CNGA1: variants seen among roughly 807,000 people sequenced by gnomAD.
CNGA1 encodes the protein cyclic nucleotide gated channel subunit alpha 1.
In CNGA1, 53 loss-of-function variants were observed where a neutral mutation model predicts 69.7. That is an observed-to-expected ratio of 0.76 (90% CI 0.61 to 0.96). The LOEUF (loss-of-function observed/expected upper bound fraction) is 0.96. Among genes scored for constraint, CNGA1 ranks in the 40% least tolerant of loss-of-function variants. The pLI is 0.00. For missense variants in CNGA1, 739 were observed against 811.2 expected, an observed-to-expected ratio of 0.91 and a Z score of 1.08; for synonymous variants, 249 against 283.5, an observed-to-expected ratio of 0.88 and a Z score of 1.22.
intron 3 of CNGA1, among the ~76,000 whole-genome samples, chr4:47,963,418 G>C (rs1479528640): frequency 6.6e-6 from 1 of 152,194 alleles, no homozygotes; most frequent in Non-Finnish European, 1.5e-5. Context: ...TCATATTCCT[G>C]ATAAATGATC....
chr4:47,964,132 A>G lies in CNGA1; in HGVS notation c.-14-11429T>C, dbSNP rs958389080. Among the ~76,000 whole-genome samples, 3 of 152,362 alleles carry G rather than the reference A, an allele frequency of 2.0e-5. No homozygotes were observed. The South Asian group carries it at 6.2e-4, about 32-fold the overall frequency. ...TCTTCGCTGACTCCTTTTCAGCATC[A>G]GAATGAAGACATGACTATTCTGGTA... On this transcript the variant is annotated intron_variant, in intron 3 of 10. Coordinates refer to ENST00000514170, the MANE Select transcript of CNGA1 (RefSeq NM_001379270.1).
At chr4:48,004,888 T>C (rs1578127611) in intron 2 of CNGA1, among the ~76,000 whole-genome samples, 2 of 150,860 alleles carry the variant, frequency 1.3e-5, no homozygotes, top group East Asian at 3.9e-4. Context: ...GGGGTGGGGG[T>C]AAAGAAGGAA....
Position 47,937,301 on chromosome 4 carries a change from G to A in CNGA1, c.1181C>T (p.Ser394Phe). 6.2e-7 allele frequency: 1 copy of A among 1,613,940 alleles called. No homozygotes were observed. Among genetic ancestry groups the A allele is most frequent in the South Asian group, 1.1e-5 (1 of 91,080 alleles). The stretch of plus-strand genomic sequence containing the variant: ...GGCTGCATTCATGTTGGAAATCATA[G>A]AACCTATGTTACCAACGATGGTAGC... ...IFATIVGNIGSMISNMNAARA... is the reference protein window; with the variant it reads ...IFATIVGNIGFMISNMNAARA... Residue 394 changes from serine (S) to phenylalanine (F), a missense_variant, in exon 11 of 11, where the codon TCT becomes TTT. Coordinates refer to ENST00000514170, the MANE Select transcript of CNGA1 (RefSeq NM_001379270.1).
chr4:48,009,734 A>G (rs574361798), intron 2 of CNGA1, among the ~76,000 whole-genome samples: 8 of 150,814 alleles, frequency 5.3e-5, no homozygotes, highest in African/African-American at 1.9e-4. Flanking sequence ...AACCCAAGAG[A>G]CAGAGGTTGT....
chr4:47,946,086 A>C (rs1358375376), intron 6 of CNGA1, among the ~76,000 whole-genome samples: 1 of 152,170 alleles, frequency 6.6e-6, no homozygotes, highest in African/African-American at 2.4e-5. Flanking sequence ...AGAAGCCCTT[A>C]AGCTGCTTCC....
At chr4:47,991,716 A>G (rs1259226725) in intron 2 of CNGA1, among the ~76,000 whole-genome samples, 2 of 152,184 alleles carry the variant, frequency 1.3e-5, no homozygotes, top group Admixed American at 1.3e-4. Flanking sequence ...TTTGCTTTTA[A>G]GTTCTTGGTC....
chr4:47,950,037 A>T, intron 5 of CNGA1, 142 bp from the exon 6 acceptor site: 1 of 718,358 alleles, frequency 1.4e-6, no homozygotes, highest in Non-Finnish European at 2.5e-6. Context: ...TATTTCAAAA[A>T]CATATTATGA....
chr4:47,976,968 G>T (rs1741449241), intron 3 of CNGA1, among the ~76,000 whole-genome samples: 1 of 152,202 alleles, frequency 6.6e-6, no homozygotes, highest in African/African-American at 2.4e-5. Context: ...CCCAAAGCAG[G>T]GGATATGTAA....
chr4:47,969,233 A>C (rs1000015827), intron 3 of CNGA1, among the ~76,000 whole-genome samples: 1 of 151,150 alleles, frequency 6.6e-6, no homozygotes. Context: ...TCCATCTCCC[A>C]CCCCCAGGAG....
chr4:47,999,064 T>C (rs962569715), intron 2 of CNGA1, among the ~76,000 whole-genome samples: 1 of 152,238 alleles, frequency 6.6e-6, no homozygotes, highest in Non-Finnish European at 1.5e-5. Context: ...ATAGGCATTG[T>C]ATCATCTCAT....
intron 3 of CNGA1, among the ~76,000 whole-genome samples, chr4:47,975,125 C>T (rs1741282746): frequency 6.6e-6 from 1 of 152,174 alleles, no homozygotes; most frequent in Non-Finnish European, 1.5e-5. Flanking sequence ...AATGATTAAT[C>T]TTTCTTTAAT....
chr4:47,963,877 A>C (rs1044440931), intron 3 of CNGA1, among the ~76,000 whole-genome samples: 2 of 152,230 alleles, frequency 1.3e-5, no homozygotes, highest in Non-Finnish European at 2.9e-5. Flanking sequence ...TAAAATCAAT[A>C]ATGACTTAAA....
At chr4:47,952,303 G>A (rs1739792101) in intron 4 of CNGA1, among the ~76,000 whole-genome samples, 1 of 152,080 alleles carries the variant, frequency 6.6e-6, no homozygotes, top group Admixed American at 6.6e-5. Flanking sequence ...AGAAGGCAGA[G>A]GTTGCAGTGA....
At chr4:47,991,029 C>T (rs1315457840) in intron 2 of CNGA1, among the ~76,000 whole-genome samples, 4 of 152,000 alleles carry the variant, frequency 2.6e-5, no homozygotes, top group Non-Finnish European at 4.4e-5. Context: ...CATGTATATA[C>T]ACCATGATCT....
chr4:47,975,356 G>A (rs937738361), intron 3 of CNGA1, among the ~76,000 whole-genome samples: 1 of 152,076 alleles, frequency 6.6e-6, no homozygotes, highest in African/African-American at 2.4e-5. Context: ...TCCAGTACTT[G>A]CTCAGGAAGA....
At chr4:47,955,601 C>T (rs1740042530) in intron 3 of CNGA1, among the ~76,000 whole-genome samples, 1 of 152,182 alleles carries the variant, frequency 6.6e-6, no homozygotes, top group African/African-American at 2.4e-5. Context: ...ACCTCTGTGC[C>T]TTTGCATATG....
chr4:47,977,169 T>C lies in CNGA1; in HGVS notation c.-15+4224A>G, dbSNP rs913036608. ...CTCTAACCCCAGAATGTGACGGTTTTTGGAGACAAGGCCTTTAAAGAGATG... is the reference window on the plus strand; with the variant it reads ...CTCTAACCCCAGAATGTGACGGTTTCTGGAGACAAGGCCTTTAAAGAGATG... On this transcript the variant is annotated intron_variant, in intron 3 of 10. Coordinates refer to ENST00000514170, the MANE Select transcript of CNGA1 (RefSeq NM_001379270.1). Among the ~76,000 whole-genome samples, 12 of 152,312 alleles carry C rather than the reference T, an allele frequency of 7.9e-5. No homozygotes were observed. The South Asian group carries it at 1.0e-3, about 13-fold the overall frequency.
At chr4:48,015,914 G>A (rs1715356241) in intron 1 of CNGA1, among the ~76,000 whole-genome samples, 1 of 152,132 alleles carries the variant, frequency 6.6e-6, no homozygotes, top group Admixed American at 6.5e-5. Context: ...TCCTTGTTTT[G>A]TAAATACCTG....
At chr4:47,967,451 C>A (rs1740785734) in intron 3 of CNGA1, among the ~76,000 whole-genome samples, 2 of 151,948 alleles carry the variant, frequency 1.3e-5, no homozygotes, top group Non-Finnish European at 2.9e-5. Flanking sequence ...CTAGCGCTTG[C>A]AATAAGGCAG....
Sources: gnomAD v4.1 joint callset for allele counts (sites outside exome capture counted in the v4.1 genomes callset) on GRCh38, gnomAD v4.1.1 for gene constraint, MANE v1.5 for transcripts, NCBI Gene and HGNC (gene_info 2026-07-23, HGNC 2026-07-21) for gene names.